CACNA2D3: variants seen among roughly 807,000 people sequenced by gnomAD.
The protein encoded by CACNA2D3 is voltage-dependent calcium channel subunit alpha-2/delta-3.
CACNA2D3 carries 60 observed loss-of-function variants against 160.6 expected under a neutral mutation model. That is an observed-to-expected ratio of 0.37 (90% confidence interval 0.30 to 0.46). The LOEUF (loss-of-function observed/expected upper bound fraction) is 0.46, where lower values mean the gene tolerates loss of function less well. Ranked by LOEUF, CACNA2D3 falls within the 20% of genes least tolerant of loss-of-function variation. The pLI, the probability that CACNA2D3 is intolerant of heterozygous loss-of-function variation, is 1.00. For synonymous variants in CACNA2D3, 558 were observed against 492.9 expected (o/e 1.13, Z -1.75); for missense variants, 1,205 against 1,365.0 (o/e 0.88, Z 1.85).
At chr3:54,153,766 A>AT (rs1256930126) in intron 2 of CACNA2D3, among the ~76,000 whole-genome samples, 1 of 152,156 alleles carries the variant, frequency 6.6e-6, no homozygotes, top group African/African-American at 2.4e-5. Context: ...TTATTTTATT[A>AT]TTTTTTAAAT....
At chr3:54,136,537 T>C (rs912591323) in intron 2 of CACNA2D3, among the ~76,000 whole-genome samples, 19 of 152,366 alleles carry the variant, frequency 1.2e-4, no homozygotes, top group Middle Eastern at 6.8e-3. Flanking sequence ...TGCAGAGCTA[T>C]GTTGGGCACC....
At position 54,562,064 on chromosome 3, in the gene CACNA2D3, A is replaced by T. The variant is rs548764820; in HGVS notation, c.545-736A>T. On this transcript the variant is annotated intron_variant, in intron 5 of 37. Transcript: ENST00000474759. ...CCCCATGATTCAATTATCTCCTACC[A>T]GGTCCCTCCCACAACACATGGGAAT... Among the ~76,000 whole-genome samples the T allele has an allele frequency of 3.5e-4, 53 of 152,316 alleles. 1 individual carries two copies. The highest frequency in any genetic ancestry group is 1.3e-3 in the African/African-American group (52 of 41,580).
chr3:54,354,459 A>G (rs1219953034), intron 3 of CACNA2D3, among the ~76,000 whole-genome samples: 2 of 152,140 alleles, frequency 1.3e-5, no homozygotes, highest in Non-Finnish European at 2.9e-5. Context: ...TGCAAGTATA[A>G]TTTAAAAAAA....
intron 12 of CACNA2D3, among the ~76,000 whole-genome samples, chr3:54,763,705 G>GTA (rs533189363): frequency 2.2e-5 from 3 of 133,580 alleles, no homozygotes; most frequent in Non-Finnish European, 3.2e-5. Context: ...ATGTATATAT[G>GTA]TATATATATG....
chr3:54,650,565 A>C (rs998735412), intron 11 of CACNA2D3, among the ~76,000 whole-genome samples: 2 of 152,194 alleles, frequency 1.3e-5, no homozygotes, highest in Non-Finnish European at 2.9e-5. Context: ...AGGTTTCACC[A>C]TATTAGCCAG....
At chr3:54,972,171 T>G (rs1702289298) in intron 29 of CACNA2D3, among the ~76,000 whole-genome samples, 2 of 152,198 alleles carry the variant, frequency 1.3e-5, no homozygotes. Flanking sequence ...AATGTTCTTT[T>G]AGCAACCATT....
chr3:54,306,127 G>T (rs77472964), intron 2 of CACNA2D3, among the ~76,000 whole-genome samples: 9 of 152,088 alleles, frequency 5.9e-5, no homozygotes, highest in African/African-American at 1.2e-4. Context: ...CTGAGGAGGG[G>T]TCCATGGGCT....
intron 35 of CACNA2D3, among the ~76,000 whole-genome samples, chr3:55,020,437 ATATT>A (rs1703421708): frequency 6.7e-6 from 1 of 149,454 alleles, no homozygotes; most frequent in Admixed American, 6.7e-5. Context: ...AATCTAGTAT[ATATT>A]ACATATGTAT....
At chr3:55,002,454 A>G (rs761814323) in intron 31 of CACNA2D3, among the ~76,000 whole-genome samples, 2 of 152,204 alleles carry the variant, frequency 1.3e-5, no homozygotes, top group Non-Finnish European at 2.9e-5. Flanking sequence ...TCAGGGACCA[A>G]TTAGAGTTGT....
At chr3:54,123,437 G>C in intron 1 of CACNA2D3, 76 bp from the exon 2 acceptor site, 1 of 911,524 alleles carries the variant, frequency 1.1e-6, no homozygotes, top group Non-Finnish European at 1.9e-6. Flanking sequence ...ATAGTCCCAT[G>C]TGTGCGTGTG....
chr3:54,308,921 A>G lies in CACNA2D3; in HGVS notation c.205-11521A>G, dbSNP rs56681340. Among the ~76,000 whole-genome samples the G allele has an allele frequency of 3.9e-3, 588 of 152,326 alleles. 16 individuals carry two copies. In the East Asian group the frequency reaches 0.063, roughly 16 times the overall value. ...TAGGCTGCAGAAAGCAATCTATATG[A>G]AGTAGTGCAGGCTTTGTACAATAAC... On this transcript the variant is annotated intron_variant, in intron 2 of 37. Coordinates refer to ENST00000474759, the MANE Select transcript of CACNA2D3 (RefSeq NM_018398.3).
At chr3:54,627,747 C>T in intron 9 of CACNA2D3, 40 bp from the exon 10 acceptor site, 1 of 1,308,732 alleles carries the variant, frequency 7.6e-7, no homozygotes, top group African/African-American at 1.4e-5. Flanking sequence ...TTTCACATAA[C>T]AGGACAGACA....
At chr3:54,687,218 G>GCAGCCTC (rs1700480689) in intron 11 of CACNA2D3, among the ~76,000 whole-genome samples, 2 of 141,728 alleles carry the variant, frequency 1.4e-5, no homozygotes, top group Admixed American at 8.0e-5. Flanking sequence ...TCGGCTCACT[G>GCAGCCTC]CAGCCTCCGC....
intron 4 of CACNA2D3, among the ~76,000 whole-genome samples, chr3:54,480,934 G>A (rs1471420269): frequency 6.6e-6 from 1 of 152,186 alleles, no homozygotes; most frequent in African/African-American, 2.4e-5. Context: ...GAATGTCCAA[G>A]CCTTCTCACT....
In CACNA2D3 at chr3:54,729,563, C is replaced by T. The variant is rs901610716; in HGVS notation, c.1168-23036C>T. ...GGCAGACATCTGGATGCAGCTTTGTCGATGAACTAGCACAGAAATGCCAGC... is the reference window on the plus strand; with the variant it reads ...GGCAGACATCTGGATGCAGCTTTGTTGATGAACTAGCACAGAAATGCCAGC... On this transcript the variant is annotated intron_variant, in intron 11 of 37. Transcript: ENST00000474759. Among the ~76,000 whole-genome samples the T allele has an allele frequency of 3.2e-4, 48 of 152,268 alleles. 1 individual carries two copies. The highest frequency in any genetic ancestry group is 5.0e-4 in the Non-Finnish European group (34 of 68,030).
chr3:54,837,492 G>A (rs1698720737), intron 15 of CACNA2D3, among the ~76,000 whole-genome samples: 1 of 152,108 alleles, frequency 6.6e-6, no homozygotes, highest in Non-Finnish European at 1.5e-5. Context: ...GACCATCCAT[G>A]ATTATGGTGC....
intron 11 of CACNA2D3, among the ~76,000 whole-genome samples, chr3:54,709,562 A>C (rs1157138756): frequency 6.6e-6 from 1 of 151,992 alleles, no homozygotes; most frequent in Non-Finnish European, 1.5e-5. Context: ...GGGTCTCACT[A>C]TGTTACCTAG....
chr3:54,389,028 G>T (rs1195954629), intron 4 of CACNA2D3, among the ~76,000 whole-genome samples: 1 of 152,158 alleles, frequency 6.6e-6, no homozygotes, highest in Admixed American at 6.5e-5. Flanking sequence ...AAATGGGCCA[G>T]GCTGGGTGGC....
At chr3:54,802,792 A>G (rs1703023537) in intron 13 of CACNA2D3, among the ~76,000 whole-genome samples, 1 of 152,090 alleles carries the variant, frequency 6.6e-6, no homozygotes, top group Non-Finnish European at 1.5e-5. Flanking sequence ...CAAGCAGCCT[A>G]ACTGGGAGGC....
Sources: allele counts gnomAD v4.1 joint callset (sites outside exome capture counted in the v4.1 genomes callset), GRCh38; gene constraint gnomAD v4.1.1; transcripts MANE v1.5; gene names NCBI Gene and HGNC (gene_info 2026-07-23, HGNC 2026-07-21).